Variants in NLRC4 observed in about 807,000 individuals in gnomAD.
The protein encoded by NLRC4 is NLR family CARD domain containing 4, also known as NLR family CARD domain-containing protein 4.
Under a neutral mutation model 79.9 loss-of-function variants are expected in NLRC4, and 63 were observed. The observed-to-expected ratio is 0.79, with a 90% CI of 0.64 to 0.97. The LOEUF (loss-of-function observed/expected upper bound fraction) is 0.97. Among genes scored for constraint, NLRC4 ranks in the 50% least tolerant of loss-of-function variants. The pLI, the probability that NLRC4 is intolerant of heterozygous loss-of-function variation, is 0.00. For synonymous variants in NLRC4, 461 were observed against 456.5 expected (o/e 1.01, Z -0.12); for missense variants, 1,074 against 1,215.2 (o/e 0.88, Z 1.73).
intron 8 of NLRC4, among the ~76,000 whole-genome samples, chr2:32,233,192 G>C (rs1686586773): frequency 1.1e-5 from 1 of 92,022 alleles, no homozygotes; most frequent in Admixed American, 1.1e-4. Context: ...AAGGAAGGAA[G>C]GAAGGGAGGG....
chr2:32,252,796 A>T (rs1233429705), intron 2 of NLRC4, 117 bp from the exon 3 acceptor site: 3 of 756,812 alleles, frequency 4.0e-6, no homozygotes, highest in Non-Finnish European at 6.5e-6. Flanking sequence ...AGGCGGGCAG[A>T]TCACGAGGTC....
intron 2 of NLRC4, 116 bp from the exon 3 acceptor site, chr2:32,252,795 G>T: frequency 2.6e-6 from 2 of 758,040 alleles, no homozygotes; most frequent in South Asian, 3.4e-5. Flanking sequence ...GAGGCGGGCA[G>T]ATCACGAGGT....
chr2:32,238,899 T>C (rs770983459), intron 5 of NLRC4, among the ~76,000 whole-genome samples: 1 of 152,222 alleles, frequency 6.6e-6, no homozygotes, highest in African/African-American at 2.4e-5. Context: ...CTAAAGCTAA[T>C]GTGCAGTTTA....
chr2:32,251,770 C>G (rs1687084309), intron 3 of NLRC4, among the ~76,000 whole-genome samples, 169 bp from the exon 4 acceptor site: 1 of 152,130 alleles, frequency 6.6e-6, no homozygotes, highest in Non-Finnish European at 1.5e-5. Context: ...CCCCCTTTCC[C>G]CAGCATCCTT....
intron 6 of NLRC4, 56 bp downstream of exon 6, chr2:32,238,076 T>C (rs1686712427): frequency 6.4e-6 from 8 of 1,255,656 alleles, no homozygotes; most frequent in South Asian, 2.8e-5. Context: ...ATTAGTATAA[T>C]AGTATCACAT....
chr2:32,250,545 T>A lies in NLRC4; in HGVS notation c.1319A>T (p.Lys440Ile), dbSNP rs541203960. The change falls in exon 4 of 9, where the codon AAA becomes ATA. Residue 440 changes from lysine (K) to isoleucine (I), a missense_variant. Physicochemically the swap from Lys to Ile is moderately radical, Grantham distance 102. Coordinates refer to ENST00000402280, the MANE Select transcript of NLRC4 (RefSeq NM_001199138.2). The surrounding 1 kb of genome is among the most constrained non-coding windows in gnomAD (Gnocchi z 4.9). ...YTAQRFKPKY[K>I]FFHKSFQEYT... ...CTCCTGGAATGACTTGTGAAAGAAT[T>A]TATACTTTGGCTTGAACCTTTGAGC... is the stretch of plus-strand genomic sequence containing the variant. The A allele has an allele frequency of 1.2e-6, 2 of 1,614,202 alleles. No homozygotes were observed. The highest frequency in any genetic ancestry group is 3.3e-5 in the Admixed American group (2 of 60,018).
At chr2:32,242,921 G>A (rs1686838832) in intron 4 of NLRC4, among the ~76,000 whole-genome samples, 1 of 152,116 alleles carries the variant, frequency 6.6e-6, no homozygotes, top group African/African-American at 2.4e-5. Flanking sequence ...GGTGGCAGGT[G>A]TGAGTAGTCC....
chr2:32,265,332 C>T (rs1229307291), upstream of NLRC4, among the ~76,000 whole-genome samples: 1 of 152,122 alleles, frequency 6.6e-6, no homozygotes, highest in East Asian at 1.9e-4. Flanking sequence ...AGGCGTGCAC[C>T]ACCATGCCCG....
At chr2:32,248,484 T>C (rs1291742842) in intron 4 of NLRC4, among the ~76,000 whole-genome samples, 1 of 152,228 alleles carries the variant, frequency 6.6e-6, no homozygotes, top group Non-Finnish European at 1.5e-5. Flanking sequence ...CATAAGACCA[T>C]GCCAGGCAAA....
intron 1 of NLRC4, among the ~76,000 whole-genome samples, chr2:32,260,250 A>C (rs1369775176): frequency 3.3e-5 from 5 of 151,394 alleles, no homozygotes; most frequent in South Asian, 2.1e-4. Flanking sequence ...AAAAAAAAAA[A>C]CTAGAGTTTA....
Position 32,238,228 on chromosome 2 carries a change from C to T in NLRC4, c.2425G>A (p.Asp809Asn). The T allele has an allele frequency of 6.2e-7, 1 of 1,613,502 alleles. No homozygotes were observed. Among genetic ancestry groups the T allele is most frequent in the Non-Finnish European group, 8.5e-7 (1 of 1,179,572 alleles). The change falls in exon 6 of 9, where the codon GAT (aspartate) becomes AAT (asparagine). Residue 809 changes from aspartate (D) to asparagine (N), a missense_variant. Asp to Asn is a conservative substitution (Grantham distance 23). Coordinates refer to ENST00000402280, the MANE Select transcript of NLRC4 (RefSeq NM_001199138.2). The part of the protein sequence containing the change: ...THLSDIGEGM[D>N]YIVKSLSSEP... ...CTTGACAGAGACTTGACTATGTAAT[C>T]CATTCCCTCTCCAATGTCAGACAAG... is the stretch of plus-strand genomic sequence containing the variant.
chr2:32,263,679 G>A (rs747326171), intron 1 of NLRC4, among the ~76,000 whole-genome samples: 1 of 152,198 alleles, frequency 6.6e-6, no homozygotes, highest in Non-Finnish European at 1.5e-5. Flanking sequence ...GCCAAGGAGG[G>A]AGGCGTGGGG....
chr2:32,254,984 A>G (rs932835457), intron 2 of NLRC4, among the ~76,000 whole-genome samples: 18 of 151,406 alleles, frequency 1.2e-4, no homozygotes, highest in African/African-American at 4.1e-4. Context: ...AGACCCCAGA[A>G]CCTCTCTGGC....
At chr2:32,260,499 T>C (rs1687318315) in intron 1 of NLRC4, among the ~76,000 whole-genome samples, 1 of 152,170 alleles carries the variant, frequency 6.6e-6, no homozygotes, top group Non-Finnish European at 1.5e-5. Flanking sequence ...GTGAGAGTGA[T>C]AAGTGAGGAT....
At chr2:32,258,963 G>A (rs1486397867) in intron 1 of NLRC4, among the ~76,000 whole-genome samples, 5 of 152,144 alleles carry the variant, frequency 3.3e-5, no homozygotes, top group Non-Finnish European at 5.9e-5. Context: ...GACAGGAAGT[G>A]GGGAAGAGAA....
At position 32,251,377 on chromosome 2, in the gene NLRC4, T is replaced by C. The variant is rs1176561773; in HGVS notation, c.487A>G (p.Ser163Gly). ...GATTCCCCTTCAATGATGCAGGGGCTCTGAAGAGCCTGCAGGAGGCCATTC... is the reference window on the plus strand; with the variant it reads ...GATTCCCCTTCAATGATGCAGGGGCCCTGAAGAGCCTGCAGGAGGCCATTC... ...TLNGLLQALQSPCIIEGESGK... is the reference protein window; with the variant it reads ...TLNGLLQALQGPCIIEGESGK... Residue 163 changes from serine (S) to glycine (G), a missense_variant, in exon 4 of 9, where the codon AGC becomes GGC. By Grantham distance (56) the Ser-to-Gly change is moderately conservative. Transcript: ENST00000402280. The C allele has an allele frequency of 7.4e-6, 12 of 1,614,024 alleles. No homozygotes were observed. Among genetic ancestry groups the C allele is most frequent in the Non-Finnish European group, 9.3e-6 (11 of 1,179,938 alleles).
rs904221352 is a variant in NLRC4 at position 32,250,015 on chromosome 2, A to G, written c.1849T>C (p.Tyr617His). The G allele has an allele frequency of 6.8e-6, 11 of 1,614,110 alleles. No homozygotes were observed. Among genetic ancestry groups the G allele is most frequent in the South Asian group, 1.1e-5 (1 of 91,088 alleles). The part of the protein sequence containing the change: ...SALDFIKLDF[Y>H]GGAMASWEKA... ...TCCCATGAAGCCATAGCTCCCCCAT[A>G]AAAGTCCAGTTTAATGAAGTCCAGG... The change falls in exon 4 of 9, where the codon TAT becomes CAT. Residue 617 changes from tyrosine (Y) to histidine (H), a missense_variant. Physicochemically the swap from Tyr to His is moderately conservative, Grantham distance 83. Transcript: ENST00000402280. The surrounding 1 kb of genome is among the most constrained non-coding windows in gnomAD (Gnocchi z 4.9).
intron 8 of NLRC4, among the ~76,000 whole-genome samples, chr2:32,231,395 T>C (rs1412808296): frequency 3.9e-5 from 6 of 152,052 alleles, no homozygotes; most frequent in Non-Finnish European, 7.4e-5. Context: ...GACCTTGTGA[T>C]CCACCTGCCT....
At chr2:32,259,290 T>TTTTTG (rs1687283988) in intron 1 of NLRC4, among the ~76,000 whole-genome samples, 2 of 131,034 alleles carry the variant, frequency 1.5e-5, no homozygotes, top group African/African-American at 2.9e-5. Context: ...TTTTTTTTTT[T>TTTTTG]AGAGACAGAG....
Sources: allele counts gnomAD v4.1 joint callset (sites outside exome capture counted in the v4.1 genomes callset), GRCh38; gene constraint gnomAD v4.1.1; non-coding constraint Gnocchi (gnomAD v3.1); transcripts MANE v1.5; gene names NCBI Gene and HGNC (gene_info 2026-07-23, HGNC 2026-07-21).